Variants in NCEH1 observed in about 807,000 individuals in gnomAD.
The protein encoded by NCEH1 is neutral cholesterol ester hydrolase 1, also known as 2-acetyl MAGE hydrolase.
NCEH1 carries 9 observed loss-of-function variants against 25.4 expected under a neutral mutation model. The observed-to-expected ratio is 0.35, with a 90% confidence interval of 0.21 to 0.62. The LOEUF (loss-of-function observed/expected upper bound fraction) is 0.62, where lower values mean the gene tolerates loss of function less well. NCEH1 is among the 20% of genes least tolerant of loss of function. The probability of loss-of-function intolerance (pLI) is 0.72; values close to 1 mark genes in which losing one functional copy is unlikely to be tolerated. For missense variants in NCEH1, 412 were observed against 501.1 expected (o/e 0.82, Z 1.70); for synonymous variants, 200 against 199.8 (o/e 1.00, Z -0.01).
chr3:172,677,724 T>C (rs892762498), intron 1 of NCEH1, among the ~76,000 whole-genome samples: 35 of 152,292 alleles, frequency 2.3e-4, no homozygotes, highest in African/African-American at 7.9e-4. Flanking sequence ...GTCAGGAGAT[T>C]GAGACCATCC....
intron 4 of NCEH1, among the ~76,000 whole-genome samples, chr3:172,635,044 G>A (rs978933139): frequency 2.0e-5 from 3 of 152,170 alleles, no homozygotes; most frequent in African/African-American, 7.2e-5. Context: ...GAGGCTCAGA[G>A]AGGTTAAGGG....
intron 1 of NCEH1, among the ~76,000 whole-genome samples, chr3:172,700,804 T>C (rs538496296): frequency 2.6e-5 from 4 of 152,078 alleles, no homozygotes; most frequent in Admixed American, 6.5e-5. Context: ...TCCTTGAGCC[T>C]TTCTGAACCT....
At chr3:172,646,542 G>C (rs1007912625) in intron 2 of NCEH1, among the ~76,000 whole-genome samples, 1 of 152,074 alleles carries the variant, frequency 6.6e-6, no homozygotes, top group African/African-American at 2.4e-5. Context: ...TAATATGTAA[G>C]AATTTAATTC....
intron 3 of NCEH1, among the ~76,000 whole-genome samples, chr3:172,639,251 T>C (rs995904457): frequency 7.0e-6 from 1 of 141,896 alleles, no homozygotes; most frequent in East Asian, 2.1e-4. Context: ...TGAGCCGAGA[T>C]CACGCCACTG....
intron 1 of NCEH1, among the ~76,000 whole-genome samples, chr3:172,667,795 G>C (rs749233748): frequency 2.0e-5 from 3 of 152,156 alleles, no homozygotes; most frequent in Non-Finnish European, 2.9e-5. Context: ...GGACTTTAAA[G>C]AGAAAAGCAA....
chr3:172,705,140 G>T (rs552844362), intron 1 of NCEH1, among the ~76,000 whole-genome samples: 1 of 152,162 alleles, frequency 6.6e-6, no homozygotes, highest in African/African-American at 2.4e-5. Flanking sequence ...ATTATCCCTG[G>T]GGGGAAAAGT....
intron 1 of NCEH1, among the ~76,000 whole-genome samples, chr3:172,700,319 C>A (rs1713610647): frequency 6.6e-6 from 1 of 151,748 alleles, no homozygotes; most frequent in South Asian, 2.1e-4. Context: ...GTTTCTATGA[C>A]ACAAAAAATA....
At chr3:172,670,324 T>C (rs758313878) in intron 1 of NCEH1, among the ~76,000 whole-genome samples, 13 of 152,234 alleles carry the variant, frequency 8.5e-5, no homozygotes, top group Non-Finnish European at 1.8e-4. Flanking sequence ...TTTACTTCCA[T>C]TACACTTTTA....
intron 1 of NCEH1, among the ~76,000 whole-genome samples, chr3:172,685,586 T>A (rs1577083638): frequency 6.6e-6 from 1 of 152,358 alleles, no homozygotes; most frequent in Non-Finnish European, 1.5e-5. Flanking sequence ...GGTTTCTACT[T>A]CAAGATTCTT....
At chr3:172,690,622 A>C (rs1338604705) in intron 1 of NCEH1, among the ~76,000 whole-genome samples, 2 of 152,332 alleles carry the variant, frequency 1.3e-5, no homozygotes, top group Non-Finnish European at 2.9e-5. Context: ...TGTCCACTGT[A>C]ACATTATTTA....
Position 172,633,852 on chromosome 3 carries a change from C to T in NCEH1, c.850G>A (p.Ala284Thr), listed in dbSNP as rs1442776982. Residue 284 changes from alanine (A) to threonine (T), a missense_variant, in exon 5 of 5, where the codon GCC (alanine) becomes ACC (threonine). This residue lies in a region of NCEH1 where 210 missense variants were observed against 258.2 expected (regional missense o/e 0.81). Transcript: ENST00000475381. Reference sequence around the variant, plus strand: ...AAGAGGGATGTCCAGTTTAGACGGGCCCTGACAGCAGCAGCCTCTTCCACA... The same window carrying T: ...AAGAGGGATGTCCAGTTTAGACGGGTCCTGACAGCAGCAGCCTCTTCCACA... ...LDVEEAAAVR[A>T]RLNWTSLLPA... 10 of 1,614,044 alleles carry T rather than the reference C, an allele frequency of 6.2e-6. No homozygotes were observed. Among genetic ancestry groups the T allele is most frequent in the Middle Eastern group, 3.3e-4 (2 of 6,084 alleles).
At chr3:172,688,966 G>T (rs894901096) in intron 1 of NCEH1, among the ~76,000 whole-genome samples, 1 of 152,224 alleles carries the variant, frequency 6.6e-6, no homozygotes, top group Non-Finnish European at 1.5e-5. Flanking sequence ...CTTTGCAAAT[G>T]AGTTGGGAAT....
intron 1 of NCEH1, among the ~76,000 whole-genome samples, chr3:172,708,720 A>AT (rs573278973): frequency 4.6e-5 from 7 of 152,198 alleles, no homozygotes; most frequent in Non-Finnish European, 7.3e-5. Flanking sequence ...TCCAGTTTAC[A>AT]TTTATTTTAT....
At chr3:172,667,393 C>T (rs1169415297) in intron 1 of NCEH1, among the ~76,000 whole-genome samples, 9 of 152,196 alleles carry the variant, frequency 5.9e-5, no homozygotes, top group African/African-American at 1.2e-4. Context: ...TGCTCAAAGA[C>T]GACACAGTCT....
chr3:172,693,775 C>T lies in NCEH1; in HGVS notation c.138+17072G>A, dbSNP rs147761065. Among the ~76,000 whole-genome samples, 230 of 152,262 alleles carry T rather than the reference C, an allele frequency of 1.5e-3. 1 individual carries two copies. Among genetic ancestry groups the T allele is most frequent in the African/African-American group, 4.9e-3 (204 of 41,550 alleles). ...GCTATGTGAGGAAATATGACTGACA[C>T]GTTATTGGTTTTGGTCAGTAGAAAC... On this transcript the variant is annotated intron_variant, in intron 1 of 4. Coordinates refer to ENST00000475381, the MANE Select transcript of NCEH1 (RefSeq NM_020792.6).
intron 1 of NCEH1, among the ~76,000 whole-genome samples, chr3:172,706,887 G>A (rs1289614238): frequency 1.3e-5 from 2 of 152,142 alleles, no homozygotes; most frequent in African/African-American, 4.8e-5. Flanking sequence ...AGTGCTTTTA[G>A]ACAAGTTCAA....
chr3:172,675,467 G>C (rs1325917900), intron 1 of NCEH1, among the ~76,000 whole-genome samples: 1 of 151,838 alleles, frequency 6.6e-6, no homozygotes, highest in Non-Finnish European at 1.5e-5. Flanking sequence ...ATTTTGTATG[G>C]TAAATACTTG....
chr3:172,645,526 T>G (rs1477618406), intron 3 of NCEH1, 97 bp downstream of exon 3: 1 of 731,952 alleles, frequency 1.4e-6, no homozygotes, highest in East Asian at 2.7e-5. Flanking sequence ...TTGAGACCTT[T>G]ATTTTTTACT....
intron 1 of NCEH1, among the ~76,000 whole-genome samples, chr3:172,708,607 T>TC (rs1167493719): frequency 6.6e-6 from 1 of 152,204 alleles, no homozygotes; most frequent in Admixed American, 6.5e-5. Flanking sequence ...TCCACCCGCC[T>TC]CGGCCTCCCA....
Sources: gnomAD v4.1 joint callset for allele counts (sites outside exome capture counted in the v4.1 genomes callset) on GRCh38, gnomAD v4.1.1 for gene constraint, gnomAD v4.1.1 regional missense constraint, MANE v1.5 for transcripts, NCBI Gene and HGNC (gene_info 2026-07-23, HGNC 2026-07-21) for gene names.